MAML2: variants seen among roughly 807,000 people sequenced by gnomAD.
The protein encoded by MAML2 is mastermind-like protein 2.
A neutral mutation model predicts 96.1 loss-of-function variants in MAML2; 22 were observed. The observed-to-expected ratio is 0.23, with a 90% confidence interval of 0.16 to 0.33. The LOEUF (loss-of-function observed/expected upper bound fraction) is 0.33, where lower values mean the gene tolerates loss of function less well. Among genes scored for constraint, MAML2 ranks in the 10% least tolerant of loss-of-function variants. MAML2 has a pLI of 1.00. For missense variants in MAML2, 1,367 were observed against 1,392.4 expected, an observed-to-expected ratio of 0.98 and a Z score of 0.29; for synonymous variants, 561 against 521.3, an observed-to-expected ratio of 1.08 and a Z score of -1.04.
chr11:96,287,549 G>A (rs1194601512), intron 1 of MAML2, among the ~76,000 whole-genome samples: 1 of 152,098 alleles, frequency 6.6e-6, no homozygotes, highest in Non-Finnish European at 1.5e-5. Flanking sequence ...TCATATAAAT[G>A]TATTATAGAG....
Position 96,137,693 on chromosome 11 carries a change from G to A in MAML2, c.514-44176C>T, listed in dbSNP as rs532018468. 4.6e-5 allele frequency among the ~76,000 whole-genome samples: 7 copies of A among 152,310 alleles called. No homozygotes were observed. In the South Asian group the frequency reaches 1.5e-3, roughly 32 times the overall value. On this transcript the variant is annotated intron_variant, in intron 1 of 4. Coordinates refer to ENST00000524717, the MANE Select transcript of MAML2 (RefSeq NM_032427.4). ...ACTGTGTGAGTGTGTCTGAAAGACGGTGGGCAGGGGAGACAGAAGAAACTG... is the reference window on the plus strand; with the variant it reads ...ACTGTGTGAGTGTGTCTGAAAGACGATGGGCAGGGGAGACAGAAGAAACTG...
At chr11:96,011,078 G>A (rs1858258284) in intron 2 of MAML2, among the ~76,000 whole-genome samples, 1 of 152,094 alleles carries the variant, frequency 6.6e-6, no homozygotes, top group Admixed American at 6.5e-5. Context: ...TATAATACAT[G>A]TTGATGAGGT....
At chr11:95,986,287 C>A (rs962485294) in intron 3 of MAML2, among the ~76,000 whole-genome samples, 3 of 150,596 alleles carry the variant, frequency 2.0e-5, no homozygotes, top group Admixed American at 6.6e-5. Context: ...TTACTGCAAC[C>A]TCTGCCTCCC....
intron 4 of MAML2, among the ~76,000 whole-genome samples, chr11:95,983,650 A>G (rs1368749189): frequency 6.6e-6 from 1 of 152,226 alleles, no homozygotes; most frequent in African/African-American, 2.4e-5. Flanking sequence ...ACATACATCA[A>G]AATATCCTAC....
At chr11:96,045,895 C>T (rs898196815) in intron 2 of MAML2, among the ~76,000 whole-genome samples, 1 of 139,202 alleles carries the variant, frequency 7.2e-6, no homozygotes, top group Non-Finnish European at 1.5e-5. Context: ...CCAGTCAGCA[C>T]ACTTCTGTTT....
At position 96,052,997 on chromosome 11, in the gene MAML2, T is replaced by G. The variant is rs577864564; in HGVS notation, c.2139+38895A>C. On this transcript the variant is annotated intron_variant, in intron 2 of 4. Coordinates refer to ENST00000524717, the MANE Select transcript of MAML2 (RefSeq NM_032427.4). ...GCTGGACTGTCAGCATAGCTTACATTTCACAGAACAAACCAGAACTCCATT... is the reference window on the plus strand; with the variant it reads ...GCTGGACTGTCAGCATAGCTTACATGTCACAGAACAAACCAGAACTCCATT... Among the ~76,000 whole-genome samples the G allele has an allele frequency of 3.3e-5, 5 of 152,342 alleles. No homozygotes were observed. The East Asian group carries it at 5.8e-4, about 18-fold the overall frequency.
chr11:96,280,189 A>G (rs1863045126), intron 1 of MAML2, among the ~76,000 whole-genome samples: 1 of 152,246 alleles, frequency 6.6e-6, no homozygotes, highest in African/African-American at 2.4e-5. Context: ...GAAAGCAGAC[A>G]CTGTGTAGTT....
intron 2 of MAML2, among the ~76,000 whole-genome samples, chr11:96,080,342 T>G (rs925432494): frequency 6.6e-6 from 1 of 152,214 alleles, no homozygotes; most frequent in Non-Finnish European, 1.5e-5. Context: ...GGTTTCCTCC[T>G]GAGACTGAAA....
At chr11:96,082,569 G>A (rs1377850517) in intron 2 of MAML2, among the ~76,000 whole-genome samples, 7 of 152,268 alleles carry the variant, frequency 4.6e-5, no homozygotes, top group Admixed American at 3.9e-4. Flanking sequence ...GAGAGCTGAC[G>A]CTGTGAGGTC....
intron 2 of MAML2, 144 bp from the exon 3 acceptor site, chr11:95,991,867 G>C: frequency 1.5e-6 from 1 of 666,440 alleles, no homozygotes; most frequent in Non-Finnish European, 2.6e-6. Context: ...TCAGAGAATC[G>C]CTTTTTAAAT....
chr11:96,008,804 A>G (rs966992370), intron 2 of MAML2, among the ~76,000 whole-genome samples: 3 of 152,210 alleles, frequency 2.0e-5, no homozygotes, highest in African/African-American at 7.2e-5. Flanking sequence ...GGAGTCAACT[A>G]GCTGTTTTGG....
chr11:96,072,342 T>C (rs577980969), intron 2 of MAML2, among the ~76,000 whole-genome samples: 2 of 152,342 alleles, frequency 1.3e-5, no homozygotes. Context: ...AATACTCGAA[T>C]TCTAGAGATT....
intron 1 of MAML2, among the ~76,000 whole-genome samples, chr11:96,264,657 A>T (rs1216847008): frequency 6.6e-6 from 1 of 152,162 alleles, no homozygotes; most frequent in Non-Finnish European, 1.5e-5. Context: ...GTTTCAAGTT[A>T]TGTCTTCTAA....
In MAML2 at chr11:95,979,850, T is replaced by C. The variant is rs200725909; in HGVS notation, c.2569A>G (p.Met857Val). ...TGAACTGCTGTAGATAATGATGGCA[T>C]TCTTGTCCCGTGAGAAGTAGACAGG... is the stretch of plus-strand genomic sequence containing the variant. The part of the protein sequence containing the change: ...SLLSTSHGTR[M>V]PSLSTAVQNM... Residue 857 changes from methionine to valine, a missense_variant, in exon 5 of 5, where the codon ATG becomes GTG. Coordinates refer to ENST00000524717, the MANE Select transcript of MAML2 (RefSeq NM_032427.4). 1,019 of 1,613,876 alleles carry C rather than the reference T, an allele frequency of 6.3e-4. 10 individuals are homozygous for C. The highest frequency in any genetic ancestry group is 2.5e-4 in the Non-Finnish European group (299 of 1,179,880).
chr11:96,163,128 GTAGTT>G (rs904332671), intron 1 of MAML2, among the ~76,000 whole-genome samples: 7 of 152,216 alleles, frequency 4.6e-5, no homozygotes, highest in Admixed American at 1.3e-4. Context: ...TAAACGTTCC[GTAGTT>G]TAAAGAGATG....
chr11:96,092,155 C>G lies in MAML2; in HGVS notation c.1876G>C (p.Ala626Pro). Residue 626 changes from alanine (A) to proline (P), a missense_variant, in exon 2 of 5, where the codon GCT becomes CCT. Coordinates refer to ENST00000524717, the MANE Select transcript of MAML2 (RefSeq NM_032427.4). The surrounding 1 kb of genome is among the most constrained non-coding windows in gnomAD (Gnocchi z 4.1). Reference protein sequence around the residue: ...QQQQQQSSISAQQQQQQQSSI... With the variant: ...QQQQQQSSISPQQQQQQQSSI... ...CTCTGCTGCTGTTGCTGTTGTTGAG[C>G]TGAAATTGAACTCTGCTGTTGCTGT... 6.5e-7 allele frequency: 1 copy of G among 1,540,616 alleles called. No individual in the cohort carries two copies. Among genetic ancestry groups the G allele is most frequent in the Non-Finnish European group, 8.7e-7 (1 of 1,143,832 alleles).
intron 2 of MAML2, among the ~76,000 whole-genome samples, chr11:96,084,710 G>T (rs1859580616): frequency 6.6e-6 from 1 of 152,136 alleles, no homozygotes; most frequent in African/African-American, 2.4e-5. Flanking sequence ...GAAAGAACTG[G>T]ACAAAGACTC....
rs768075826 is a variant in MAML2 at position 96,342,457 on chromosome 11, C to CCAAAA, written c.-567_-563dup. ...ACTTTTCCTCAGGTTAAATAAAAAA[C>CCAAAA]CAAAACAAAACAAAACAGTGCTGTT... On this transcript the variant is annotated 5_prime_UTR_variant, in exon 1 of 5. Transcript: ENST00000524717. 1.3e-5 allele frequency: 5 copies of CCAAAA among 398,696 alleles called. No homozygotes were observed. Among genetic ancestry groups the CCAAAA allele is most frequent in the Admixed American group, 8.8e-5 (2 of 22,736 alleles). The allele number at this position is 398,696 out of a possible 1,614,324, so 24.7% of individuals were successfully genotyped here. A position where few individuals can be genotyped will look rare whatever the true frequency, so the allele number is the denominator to read the frequency against.
intron 1 of MAML2, among the ~76,000 whole-genome samples, chr11:96,242,091 G>C (rs938164766): frequency 6.6e-6 from 1 of 152,182 alleles, no homozygotes; most frequent in African/African-American, 2.4e-5. Flanking sequence ...ATCCAAGGAA[G>C]TTAATTCACT....
Sources: gnomAD v4.1 joint callset for allele counts (sites outside exome capture counted in the v4.1 genomes callset) on GRCh38, gnomAD v4.1.1 for gene constraint, Gnocchi (gnomAD v3.1) non-coding constraint, MANE v1.5 for transcripts, NCBI Gene and HGNC (gene_info 2026-07-23, HGNC 2026-07-21) for gene names.